Variants in SYPL1 observed in about 807,000 individuals in gnomAD.
SYPL1 encodes the protein synaptophysin like 1.
In SYPL1, 6 loss-of-function variants were observed where a neutral mutation model predicts 23.7. That is an observed-to-expected ratio of 0.25 (90% CI 0.14 to 0.50). The LOEUF (loss-of-function observed/expected upper bound fraction) is 0.50. Ranked by LOEUF, SYPL1 falls within the 20% of genes least tolerant of loss-of-function variation. The pLI, the probability that SYPL1 is intolerant of heterozygous loss-of-function variation, is 0.98. For missense variants in SYPL1, 253 were observed against 288.9 expected (o/e 0.88, Z 0.90); for synonymous variants, 102 against 104.5 (o/e 0.98, Z 0.15).
intron 1 of SYPL1, among the ~76,000 whole-genome samples, chr7:106,108,459 T>A (rs1840729678): frequency 6.6e-6 from 1 of 152,276 alleles, no homozygotes; most frequent in Admixed American, 6.5e-5. Context: ...TCTATCCCTG[T>A]CTAGCGGCTT....
Position 106,109,726 on chromosome 7 carries a change from T to G in SYPL1, c.69+2414A>C, listed in dbSNP as rs59680861. ...CTTGAATATGCTAATGGCAACGAAG[T>G]CAGAAAGACAGCAGTCATCTTAGGG... On this transcript the variant is annotated intron_variant, in intron 1 of 4. Transcript: ENST00000455385. This position sits in a 1 kb window ranked among gnomAD's most constrained non-coding sequence, Gnocchi z 4.3. Among the ~76,000 whole-genome samples the G allele has an allele frequency of 0.014, 2,073 of 152,276 alleles. 47 individuals are homozygous for G. The highest frequency in any genetic ancestry group is 0.048 in the African/African-American group (1,976 of 41,556).
intron 1 of SYPL1, among the ~76,000 whole-genome samples, chr7:106,102,084 A>G (rs1044379850): frequency 6.8e-6 from 1 of 146,492 alleles, no homozygotes; most frequent in African/African-American, 2.5e-5. Flanking sequence ...CTCAGTTATA[A>G]AAAGATTACA....
At chr7:106,105,570 A>C (rs1585942427) in intron 1 of SYPL1, among the ~76,000 whole-genome samples, 1 of 150,702 alleles carries the variant, frequency 6.6e-6, no homozygotes, top group Admixed American at 6.7e-5. Context: ...CAGGGTGAAT[A>C]GTACAGCCTG....
chr7:106,091,728 C>A lies in SYPL1; in HGVS notation c.*77G>T. ...ACAAAGCCATTACTTTTATTAGAAACAAATAATGCTTCTCAAGGTGTTGGC... is the reference window on the plus strand; with the variant it reads ...ACAAAGCCATTACTTTTATTAGAAAAAAATAATGCTTCTCAAGGTGTTGGC... On this transcript the variant is annotated 3_prime_UTR_variant, in exon 5 of 5. Coordinates refer to ENST00000455385, the MANE Select transcript of SYPL1 (RefSeq NM_182715.4). This position sits in a 1 kb window ranked among gnomAD's most constrained non-coding sequence, Gnocchi z 5.0. The A allele has an allele frequency of 6.8e-7, 1 of 1,461,490 alleles. No individual in the cohort carries two copies. The highest frequency in any genetic ancestry group is 9.1e-7 in the Non-Finnish European group (1 of 1,095,312). The allele number at this position is 1,461,490 out of a possible 1,614,324, so 90.5% of individuals were successfully genotyped here. A position where few individuals can be genotyped will look rare whatever the true frequency, so the allele number is the denominator to read the frequency against.
Position 106,091,398 on chromosome 7 carries a change from G to A in SYPL1, c.*407C>T, listed in dbSNP as rs1308304276. The A allele has an allele frequency of 6.5e-6, 1 of 154,020 alleles. No homozygotes were observed. Among genetic ancestry groups the A allele is most frequent in the African/African-American group, 2.4e-5 (1 of 41,454 alleles). The allele number at this position is 154,020 out of a possible 1,614,324, so 9.5% of individuals were successfully genotyped here. ...GCTCTTTAAGCAAAGACAGGTGGTAGGTATATGATCTGTACAAACTTACAG... is the reference window on the plus strand; with the variant it reads ...GCTCTTTAAGCAAAGACAGGTGGTAAGTATATGATCTGTACAAACTTACAG... On this transcript the variant is annotated 3_prime_UTR_variant, in exon 5 of 5. Coordinates refer to ENST00000455385, the MANE Select transcript of SYPL1 (RefSeq NM_182715.4). This position sits in a 1 kb window ranked among gnomAD's most constrained non-coding sequence, Gnocchi z 5.0.
In SYPL1 at chr7:106,095,260, T is replaced by C. The variant is rs1049825638; in HGVS notation, c.403-2123A>G. Among the ~76,000 whole-genome samples the C allele has an allele frequency of 2.0e-5, 3 of 152,158 alleles. No homozygotes were observed. The highest frequency in any genetic ancestry group is 2.9e-5 in the Non-Finnish European group (2 of 68,026). ...ACACCTTAGCACAGAATTGAGAATA[T>C]TGCTAAAAGGGCTTGTCCTCATTAA... On this transcript the variant is annotated intron_variant, in intron 3 of 4. Transcript: ENST00000455385. This position sits in a 1 kb window ranked among gnomAD's most constrained non-coding sequence, Gnocchi z 4.3.
chr7:106,112,163 C>T lies in SYPL1; in HGVS notation c.46G>A (p.Gly16Ser), dbSNP rs755903127. Residue 16 changes from glycine to serine, a missense_variant, in exon 1 of 5, where the codon GGC (glycine) becomes AGC (serine). Physicochemically the swap from Gly to Ser is moderately conservative, Grantham distance 56 (BLOSUM62 0). Transcript: ENST00000455385. Reference protein sequence around the residue: ...INLNPLKEPLGFIKVLEWIAS... With the variant: ...INLNPLKEPLSFIKVLEWIAS... Reference sequence around the variant, plus strand: ...ACCCACTCGAGGACCTTGATGAAGCCGAGTGGCTCCTTGAGCGGGTTGAGG... The same window carrying T: ...ACCCACTCGAGGACCTTGATGAAGCTGAGTGGCTCCTTGAGCGGGTTGAGG... 2 of 1,542,634 alleles carry T rather than the reference C, an allele frequency of 1.3e-6. No individual in the cohort carries two copies. Among genetic ancestry groups the T allele is most frequent in the African/African-American group, 2.8e-5 (2 of 71,386 alleles).
At chr7:106,108,238 T>C (rs1349881935) in intron 1 of SYPL1, among the ~76,000 whole-genome samples, 14 of 152,208 alleles carry the variant, frequency 9.2e-5, no homozygotes, top group Non-Finnish European at 1.5e-5. Context: ...GAAATCATTT[T>C]CTAATTGCTC....
chr7:106,108,328 C>G (rs1840721780), intron 1 of SYPL1, among the ~76,000 whole-genome samples: 1 of 152,116 alleles, frequency 6.6e-6, no homozygotes, highest in African/African-American at 2.4e-5. Context: ...GCCTGTCACT[C>G]TGTGGAAAAC....
intron 1 of SYPL1, among the ~76,000 whole-genome samples, chr7:106,107,647 C>G (rs1840674296): frequency 6.8e-6 from 1 of 147,936 alleles, no homozygotes; most frequent in Non-Finnish European, 1.5e-5. Context: ...GAGGGTGAGG[C>G]AGGAGAATCA....
chr7:106,112,224 G>T lies in SYPL1; in HGVS notation c.-16C>A. The T allele has an allele frequency of 6.5e-7, 1 of 1,534,424 alleles. No individual in the cohort carries two copies. The highest frequency in any genetic ancestry group is 8.8e-7 in the Non-Finnish European group (1 of 1,132,328). The stretch of plus-strand genomic sequence containing the variant: ...AGCCGGACATCCTCTGAGGAAAGGA[G>T]GGAGAGAGAGTCAGGACGACGGGGC... On this transcript the variant is annotated 5_prime_UTR_variant, in exon 1 of 5. Transcript: ENST00000455385.
chr7:106,111,420 C>T, intron 1 of SYPL1, among the ~76,000 whole-genome samples: 1 of 152,106 alleles, frequency 6.6e-6, no homozygotes, highest in Admixed American at 6.5e-5. Flanking sequence ...AATTAATAAG[C>T]GTTCTTTGAT....
chr7:106,103,268 C>A (rs1179728771), intron 1 of SYPL1, among the ~76,000 whole-genome samples: 1 of 152,134 alleles, frequency 6.6e-6, no homozygotes, highest in African/African-American at 2.4e-5. Flanking sequence ...TCATAGAAAT[C>A]CAATGCTGAG....
chr7:106,092,719 G>T, intron 4 of SYPL1: 1 of 554,644 alleles, frequency 1.8e-6, no homozygotes, highest in Non-Finnish European at 3.2e-6. Context: ...ATATAAATCT[G>T]ACTAGATGAA....
rs17152585 is a variant in SYPL1 at position 106,098,107 on chromosome 7, T to C, written c.195-210A>G. Among the ~76,000 whole-genome samples the C allele has an allele frequency of 0.093, 14,139 of 152,300 alleles. 667 individuals are homozygous for C. Among genetic ancestry groups the C allele is most frequent in the Middle Eastern group, 0.2 (58 of 294 alleles). ...ATACCTGGTATTAGTTTATGATACA[T>C]TGAATATAGACTGAATTAAATACTT... On this transcript the variant is annotated intron_variant, in intron 2 of 4. Transcript: ENST00000455385.
chr7:106,105,053 A>G (rs1304043333), intron 1 of SYPL1, among the ~76,000 whole-genome samples: 5 of 152,216 alleles, frequency 3.3e-5, no homozygotes, highest in Non-Finnish European at 1.5e-5. Flanking sequence ...TAAAGCAACA[A>G]TCAGAGAGAA....
chr7:106,092,862 G>T (rs1839810044), intron 4 of SYPL1, 87 bp downstream of exon 4: 2 of 1,139,166 alleles, frequency 1.8e-6, no homozygotes, highest in South Asian at 1.8e-5. Context: ...ACCATCCAGA[G>T]ATTTACTGAA....
chr7:106,112,327 G>T, upstream of SYPL1: 1 of 1,271,236 alleles, frequency 7.9e-7, no homozygotes, highest in Non-Finnish European at 9.9e-7. Context: ...GCCGGGCTCG[G>T]AGGCGGGCCC....
intron 1 of SYPL1, among the ~76,000 whole-genome samples, chr7:106,108,226 T>C (rs1306262097): frequency 6.6e-6 from 1 of 152,206 alleles, no homozygotes; most frequent in East Asian, 1.9e-4. Flanking sequence ...TTTTTAAAAA[T>C]AGAAATCATT....
Sources: allele counts gnomAD v4.1 joint callset (sites outside exome capture counted in the v4.1 genomes callset), GRCh38; gene constraint gnomAD v4.1.1; non-coding constraint Gnocchi (gnomAD v3.1); transcripts MANE v1.5; gene names NCBI Gene and HGNC (gene_info 2026-07-23, HGNC 2026-07-21).